GDPD5: variants seen among roughly 807,000 people sequenced by gnomAD.
GDPD5 encodes glycerophosphodiester phosphodiesterase domain containing 5, also known as glycerophosphodiester phosphodiesterase 2.
Under a neutral mutation model 75.1 loss-of-function variants are expected in GDPD5, and 48 were observed. That is an observed-to-expected ratio of 0.64 (90% confidence interval 0.51 to 0.81). GDPD5 has a LOEUF of 0.81. GDPD5 is among the 40% of genes least tolerant of loss of function. The pLI is 0.00. For synonymous variants in GDPD5, 336 were observed against 339.0 expected (o/e 0.99, Z 0.10); for missense variants, 706 against 822.6 (o/e 0.86, Z 1.73).
chr11:75,524,447 C>T (rs931765509), intron 1 of GDPD5, among the ~76,000 whole-genome samples: 5 of 152,224 alleles, frequency 3.3e-5, no homozygotes, highest in Non-Finnish European at 4.4e-5. Context: ...GGCTCAAGGA[C>T]TCACTGGCTT....
intron 2 of GDPD5, among the ~76,000 whole-genome samples, chr11:75,480,914 T>C (rs1016905126): frequency 6.6e-6 from 1 of 152,272 alleles, no homozygotes; most frequent in Non-Finnish European, 1.5e-5. Context: ...CATTCATTTA[T>C]GTATTGTCTA....
intron 10 of GDPD5, among the ~76,000 whole-genome samples, chr11:75,443,507 G>T (rs1193397441): frequency 6.6e-6 from 1 of 152,308 alleles, no homozygotes; most frequent in South Asian, 2.1e-4. Flanking sequence ...GTCAGATGGG[G>T]GTGGGGACTG....
chr11:75,466,838 G>A (rs1204388053), intron 3 of GDPD5, among the ~76,000 whole-genome samples: 1 of 152,148 alleles, frequency 6.6e-6, no homozygotes. Context: ...AGGGGAGTCA[G>A]AGGGGTCAGC....
intron 4 of GDPD5, among the ~76,000 whole-genome samples, chr11:75,462,173 G>A (rs17133983): frequency 1.3e-5 from 2 of 152,170 alleles, no homozygotes; most frequent in Non-Finnish European, 2.9e-5. Flanking sequence ...TATACAAAGG[G>A]GGTAACCAAA....
intron 6 of GDPD5, among the ~76,000 whole-genome samples, chr11:75,455,832 C>T (rs919194765): frequency 2.0e-5 from 3 of 152,174 alleles, no homozygotes; most frequent in Admixed American, 6.5e-5. Context: ...CTGCAATGGA[C>T]GTAAGGCAGA....
Position 75,442,575 on chromosome 11 carries a change from GGTCA to G in GDPD5, c.951_954del (p.Asp318ProfsTer57), listed in dbSNP as rs768057862. 27 of 1,613,876 alleles carry G rather than the reference GGTCA, an allele frequency of 1.7e-5. No homozygotes were observed. Among genetic ancestry groups the G allele is most frequent in the Non-Finnish European group, 2.1e-5 (25 of 1,179,966 alleles). On this transcript the variant is annotated frameshift_variant and splice_region_variant, in exon 12 of 17. Transcript: ENST00000336898. LOFTEE classifies it high-confidence loss of function. Reference sequence around the variant, plus strand: ...GACAGGGAGCTGGCTGTCCAGAAGGGGTCAGTCTGGCAGGGACAGGGACACACAC... The same window carrying G: ...GACAGGGAGCTGGCTGTCCAGAAGGGGTCTGGCAGGGACAGGGACACACAC...
intron 3 of GDPD5, among the ~76,000 whole-genome samples, chr11:75,473,337 C>G (rs1949709604): frequency 6.6e-6 from 1 of 152,044 alleles, no homozygotes; most frequent in Non-Finnish European, 1.5e-5. Context: ...AGCATGTGTT[C>G]CCATCTCCAG....
In GDPD5 at chr11:75,525,682, G is replaced by C. The variant is rs1486700502; in HGVS notation, c.-617C>G. On this transcript the variant is annotated 5_prime_UTR_variant, in exon 1 of 17. Coordinates refer to ENST00000336898, the MANE Select transcript of GDPD5 (RefSeq NM_030792.8). ...CCGCACGCCCCGAACCGCGGGGCTG[G>C]GACGGGCAGGGCAGGGCAGGCGCCG... is the stretch of plus-strand genomic sequence containing the variant. 2.0e-5 allele frequency: 3 copies of C among 151,404 alleles called. No homozygotes were observed. The East Asian group carries it at 5.8e-4, about 29-fold the overall frequency. 9.4% of individuals were successfully genotyped at this position (151,404 alleles called of 1,614,324 possible).
intron 8 of GDPD5, among the ~76,000 whole-genome samples, 189 bp from the exon 9 acceptor site, chr11:75,449,311 G>A (rs775833329): frequency 8.5e-5 from 13 of 152,158 alleles, no homozygotes; most frequent in Non-Finnish European, 5.9e-5. Context: ...AGAGAGACAT[G>A]GAGGAGGAAT....
At chr11:75,467,965 A>G (rs1023773766) in intron 3 of GDPD5, among the ~76,000 whole-genome samples, 3 of 152,034 alleles carry the variant, frequency 2.0e-5, no homozygotes, top group Admixed American at 1.3e-4. Flanking sequence ...CTCTGTGTTC[A>G]GAGAAGAACA....
At chr11:75,505,083 T>G (rs1434698939) in intron 1 of GDPD5, among the ~76,000 whole-genome samples, 1 of 151,390 alleles carries the variant, frequency 6.6e-6, no homozygotes, top group Admixed American at 6.6e-5. Flanking sequence ...GATCATGCCA[T>G]TGCACTCCAG....
intron 3 of GDPD5, among the ~76,000 whole-genome samples, chr11:75,467,648 C>A (rs901202709): frequency 1.3e-5 from 2 of 151,954 alleles, no homozygotes; most frequent in Non-Finnish European, 2.9e-5. Flanking sequence ...CCAGACAGGG[C>A]GAGCAGCTGG....
At chr11:75,519,377 G>A (rs1950709203) in intron 1 of GDPD5, among the ~76,000 whole-genome samples, 2 of 152,186 alleles carry the variant, frequency 1.3e-5, no homozygotes, top group South Asian at 4.1e-4. Flanking sequence ...CACATTCTGT[G>A]TTGTCACTGC....
chr11:75,520,412 C>T (rs1417117908), intron 1 of GDPD5, among the ~76,000 whole-genome samples: 1 of 152,224 alleles, frequency 6.6e-6, no homozygotes, highest in African/African-American at 2.4e-5. Context: ...CATGGGGCAG[C>T]TTGCACTGCC....
At chr11:75,439,234 C>A in intron 15 of GDPD5, 7 of 424,324 alleles carry the variant, frequency 1.6e-5, no homozygotes, top group Non-Finnish European at 4.8e-6. Flanking sequence ...CGAGGTGGCC[C>A]GGGCACAGGG....
rs149689630 is a variant in GDPD5, at chr11:75,488,875, C to T, written c.-61+1362G>A. On this transcript the variant is annotated intron_variant, in intron 2 of 16. Transcript: ENST00000336898. ...GGTTCAGACTTCTGATCCACTTGGC[C>T]AAGCTTTTCTGAAGACCTATAGTGT... 5.2e-3 allele frequency among the ~76,000 whole-genome samples: 799 copies of T among 152,296 alleles called. 11 individuals carry two copies. Among genetic ancestry groups the T allele is most frequent in the South Asian group, 0.035 (168 of 4,820 alleles).
chr11:75,462,863 G>A lies in GDPD5; in HGVS notation c.144C>T (p.Leu48=), dbSNP rs779129714. The A allele has an allele frequency of 6.2e-7, 1 of 1,614,074 alleles. No homozygotes were observed. Among genetic ancestry groups the A allele is most frequent in the Non-Finnish European group, 8.5e-7 (1 of 1,179,966 alleles). ...TPWERLWFLL[L]TFTFGLTLTW... ...TGAGCGTGAGGCCAAAGGTGAAGGT[G>A]AGGAGCAGGAACCAGAGGCGCTCCC... The change falls in exon 4 of 17, where the codon CTC becomes CTT. Residue 48 remains leucine, a synonymous_variant. Transcript: ENST00000336898.
At chr11:75,436,863 A>C in intron 16 of GDPD5, 73 bp downstream of exon 16, 1 of 1,109,828 alleles carries the variant, frequency 9.0e-7, no homozygotes, top group East Asian at 2.4e-5. Flanking sequence ...GTGTGCATAC[A>C]CATCTGTTTG....
intron 3 of GDPD5, among the ~76,000 whole-genome samples, chr11:75,470,377 T>C (rs1251071700): frequency 6.6e-6 from 1 of 152,254 alleles, no homozygotes; most frequent in Non-Finnish European, 1.5e-5. Flanking sequence ...TTTAAATTTT[T>C]ATGTAGTCAA....
Sources: allele counts gnomAD v4.1 joint callset (sites outside exome capture counted in the v4.1 genomes callset), GRCh38; gene constraint gnomAD v4.1.1; transcripts MANE v1.5; gene names NCBI Gene and HGNC (gene_info 2026-07-23, HGNC 2026-07-21).